Variants in FRMD6 observed in about 807,000 individuals in gnomAD.
FRMD6 encodes the protein FERM domain containing 6, also known as FERM domain-containing protein 6.
Under a neutral mutation model 73.2 loss-of-function variants are expected in FRMD6, and 37 were observed. The observed-to-expected ratio is 0.51, with a 90% CI of 0.39 to 0.66. The LOEUF (loss-of-function observed/expected upper bound fraction) is 0.66. Among genes scored for constraint, FRMD6 ranks in the 30% least tolerant of loss-of-function variants. The pLI, the probability that FRMD6 is intolerant of heterozygous loss-of-function variation, is 0.00. For synonymous variants in FRMD6, 273 were observed against 282.2 expected (o/e 0.97, Z 0.33); for missense variants, 714 against 780.5 (o/e 0.91, Z 1.02).
rs145457285 is a variant in FRMD6 at position 51,500,156 on chromosome 14, C to T, written c.-210+10736C>T. On this transcript the variant is annotated intron_variant, in intron 1 of 14. Coordinates refer to the FRMD6 transcript ENST00000356218. ...ATGTTGCCGGAGCTGCATTTTAAAG[C>T]GTTTTGGCAGTTACATATTTTGGGA... Among the ~76,000 whole-genome samples the T allele has an allele frequency of 9.9e-5, 15 of 152,228 alleles. No individual in the cohort carries two copies. The East Asian group carries it at 2.5e-3, about 25-fold the overall frequency.
At chr14:51,467,704 C>T in the FRMD6 span, among the ~76,000 whole-genome samples, 28 of 151,168 alleles carry the variant, frequency 1.9e-4, no homozygotes, top group African/African-American at 6.8e-4. Context: ...CGCGGCCTGG[C>T]AGAGGTGCTC....
chr14:51,692,988 G>C (rs905535948), intron 2 of FRMD6: 1 of 152,136 alleles, frequency 6.6e-6, no homozygotes, highest in Non-Finnish European at 1.5e-5. Flanking sequence ...CTGGTTACTC[G>C]ATTGTGTTTC....
chr14:51,597,532 A>T (rs1235013539), intron 2 of FRMD6, among the ~76,000 whole-genome samples: 1 of 152,182 alleles, frequency 6.6e-6, no homozygotes, highest in Non-Finnish European at 1.5e-5. Context: ...TGGAATGCAG[A>T]ATGTGTAACG....
rs146989562 is a variant in FRMD6 at position 51,705,311 on chromosome 14, C to G, written c.558+376C>G. 1.5e-4 allele frequency among the ~76,000 whole-genome samples: 23 copies of G among 152,138 alleles called. No homozygotes were observed. In the East Asian group the frequency reaches 2.7e-3, roughly 18 times the overall value. The stretch of plus-strand genomic sequence containing the variant: ...GATTATTCCTCGCTTTCCTTTGCTG[C>G]GAGAACAAGTATGTCAACTTCTGGC... On this transcript the variant is annotated intron_variant, in intron 6 of 13. Transcript: ENST00000344768.
chr14:51,642,404 G>C (rs985854694), intron 2 of FRMD6, among the ~76,000 whole-genome samples: 1 of 152,160 alleles, frequency 6.6e-6, no homozygotes, highest in African/African-American at 2.4e-5. Context: ...GTCAGGTGTG[G>C]CAGAGCACAC....
At chr14:51,627,437 A>C (rs926540549) in intron 2 of FRMD6, among the ~76,000 whole-genome samples, 1 of 152,190 alleles carries the variant, frequency 6.6e-6, no homozygotes, top group Non-Finnish European at 1.5e-5. Flanking sequence ...TGTCAGAAGA[A>C]GGTCTAGCCA....
At chr14:51,696,605 A>G (rs1201202682) in intron 2 of FRMD6, among the ~76,000 whole-genome samples, 1 of 151,966 alleles carries the variant, frequency 6.6e-6, no homozygotes, top group Middle Eastern at 3.2e-3. Flanking sequence ...AGACAAAATA[A>G]CAGTGATAAA....
the FRMD6 span, among the ~76,000 whole-genome samples, chr14:51,404,241 T>C: frequency 1.3e-5 from 2 of 152,304 alleles, no homozygotes; most frequent in African/African-American, 4.8e-5. Flanking sequence ...CTTTGACCAT[T>C]TTTCTTTCTG....
intron 1 of FRMD6, among the ~76,000 whole-genome samples, chr14:51,530,462 A>T (rs1183677546): frequency 1.3e-5 from 2 of 152,108 alleles, no homozygotes; most frequent in African/African-American, 4.8e-5. Flanking sequence ...CAATATATTT[A>T]TTTATTTGTG....
At chr14:51,616,531 A>G (rs568132839) in intron 2 of FRMD6, among the ~76,000 whole-genome samples, 66 of 152,172 alleles carry the variant, frequency 4.3e-4, no homozygotes, top group Admixed American at 7.2e-4. Flanking sequence ...GAGAGTCCCA[A>G]TCTGCAAGGG....
chr14:51,728,145 C>G lies in FRMD6; in HGVS notation c.*116C>G. ...TTCTTCACCCTAAACATAGCTCTTTCTTTATAATATTTGTGATGATGGAAA... is the reference window on the plus strand; with the variant it reads ...TTCTTCACCCTAAACATAGCTCTTTGTTTATAATATTTGTGATGATGGAAA... On this transcript the variant is annotated 3_prime_UTR_variant, in exon 14 of 14. Transcript: ENST00000344768. 1 of 920,874 alleles carries G rather than the reference C, an allele frequency of 1.1e-6. No individual in the cohort carries two copies. The highest frequency in any genetic ancestry group is 2.6e-5 in the East Asian group (1 of 38,200). 57.0% of individuals were successfully genotyped at this position (920,874 alleles called of 1,614,324 possible).
At chr14:51,580,419 C>G (rs909414154) in intron 2 of FRMD6, among the ~76,000 whole-genome samples, 8 of 152,132 alleles carry the variant, frequency 5.3e-5, no homozygotes, top group Admixed American at 2.6e-4. Flanking sequence ...TAGATTATCT[C>G]AATTATTTCT....
chr14:51,664,364 C>T (rs543225935), intron 1 of FRMD6, among the ~76,000 whole-genome samples: 14 of 152,318 alleles, frequency 9.2e-5, no homozygotes, highest in Admixed American at 2.0e-4. Context: ...CAAGAATTTT[C>T]TCTTCTGGGA....
chr14:51,710,115 T>G (rs1178318878), intron 7 of FRMD6, among the ~76,000 whole-genome samples: 1 of 152,176 alleles, frequency 6.6e-6, no homozygotes, highest in African/African-American at 2.4e-5. Flanking sequence ...CAATTTATCT[T>G]CTGTGTAAAA....
At chr14:51,508,151 C>T (rs1234128279) in intron 1 of FRMD6, among the ~76,000 whole-genome samples, 1 of 152,186 alleles carries the variant, frequency 6.6e-6, no homozygotes, top group Non-Finnish European at 1.5e-5. Context: ...CACCCCCCAG[C>T]CTGTCCCGTG....
chr14:51,726,648 A>G (rs888283139), intron 13 of FRMD6, among the ~76,000 whole-genome samples: 5 of 152,056 alleles, frequency 3.3e-5, no homozygotes, highest in African/African-American at 1.2e-4. Context: ...TGAGTAATCT[A>G]CTCTTAAGAG....
At chr14:51,533,823 G>C (rs185302854) in intron 1 of FRMD6, among the ~76,000 whole-genome samples, 1 of 152,278 alleles carries the variant, frequency 6.6e-6, no homozygotes, top group East Asian at 1.9e-4. Flanking sequence ...TCTGGGTCTT[G>C]GCTGAGGTTG....
Position 51,499,255 on chromosome 14 carries a change from A to T in FRMD6, c.-210+9835A>T, listed in dbSNP as rs1326206706. 9.2e-5 allele frequency among the ~76,000 whole-genome samples: 14 copies of T among 152,354 alleles called. No homozygotes were observed. The East Asian group carries it at 2.7e-3, about 29-fold the overall frequency. On this transcript the variant is annotated intron_variant, in intron 1 of 14. Transcript: ENST00000356218. ...TCTCAGCAACGACAGCTGAGCCTGT[A>T]GTTTTTCTCTGTTCACAGTTGTCAC...
the FRMD6 span, among the ~76,000 whole-genome samples, chr14:51,437,208 T>C: frequency 1.3e-5 from 2 of 152,030 alleles, no homozygotes; most frequent in Non-Finnish European, 2.9e-5. Flanking sequence ...ATTGTTCGAC[T>C]CCCACCTATG....
Sources: gnomAD v4.1 joint callset for allele counts (sites outside exome capture counted in the v4.1 genomes callset) on GRCh38, gnomAD v4.1.1 for gene constraint, MANE v1.5 for transcripts, NCBI Gene and HGNC (gene_info 2026-07-23, HGNC 2026-07-21) for gene names.